The following ACBD6 variants were observed in gnomAD, a reference collection of about 807,000 sequenced individuals.
ACBD6 encodes acyl-CoA-binding domain-containing protein 6.
In ACBD6, 28 loss-of-function variants were observed where a neutral mutation model predicts 37.2. The ratio of observed to expected loss-of-function variants is 0.75; its 90% CI spans 0.56 to 1.03. The LOEUF (loss-of-function observed/expected upper bound fraction) is 1.03. ACBD6 is among the 50% of genes least tolerant of loss of function. The pLI is 0.00. For missense variants in ACBD6, 340 were observed against 337.4 expected (o/e 1.01, Z -0.06); for synonymous variants, 113 against 126.8 (o/e 0.89, Z 0.73).
chr1:180,465,403 G>A (rs1451208039), intron 3 of ACBD6, among the ~76,000 whole-genome samples: 1 of 151,990 alleles, frequency 6.6e-6, no homozygotes, highest in East Asian at 1.9e-4. Flanking sequence ...CAAGAAGGAT[G>A]AAAGAAAAGC....
intron 6 of ACBD6, among the ~76,000 whole-genome samples, chr1:180,356,931 T>G (rs1457633902): frequency 1.3e-5 from 2 of 152,134 alleles, no homozygotes; most frequent in Non-Finnish European, 2.9e-5. Flanking sequence ...ATGGTTACAC[T>G]TCTATCATAA....
intron 6 of ACBD6, among the ~76,000 whole-genome samples, chr1:180,386,240 A>T (rs1039249952): frequency 1.3e-5 from 2 of 152,184 alleles, no homozygotes; most frequent in African/African-American, 2.4e-5. Flanking sequence ...TGTATTTTCA[A>T]CTTATGATAT....
At chr1:180,464,557 C>CACCCCAT (rs1650276720) in intron 3 of ACBD6, among the ~76,000 whole-genome samples, 1 of 152,084 alleles carries the variant, frequency 6.6e-6, no homozygotes, top group Admixed American at 6.6e-5. Flanking sequence ...AATGAAAAAA[C>CACCCCAT]ACCCCATGCT....
intron 6 of ACBD6, among the ~76,000 whole-genome samples, chr1:180,333,427 G>A (rs1023016483): frequency 2.0e-5 from 3 of 152,160 alleles, no homozygotes; most frequent in African/African-American, 7.2e-5. Context: ...GGCAAATAAT[G>A]TCTTGGAATT....
Position 180,497,112 on chromosome 1 carries a change from T to C in ACBD6, c.223-1587A>G, listed in dbSNP as rs117492127. Among the ~76,000 whole-genome samples the C allele has an allele frequency of 1.2e-3, 185 of 152,318 alleles. No individual in the cohort carries two copies. The East Asian group carries it at 0.018, about 15-fold the overall frequency. On this transcript the variant is annotated intron_variant, in intron 1 of 7. Coordinates refer to ENST00000367595, the MANE Select transcript of ACBD6 (RefSeq NM_032360.4). ...ACATGAACTACCAGACTGTTAGAAA[T>C]AATAAATGAGATAAATTATACAAAC...
At chr1:180,402,967 A>G (rs1420714217) in intron 5 of ACBD6, among the ~76,000 whole-genome samples, 1 of 152,208 alleles carries the variant, frequency 6.6e-6, no homozygotes, top group Non-Finnish European at 1.5e-5. Flanking sequence ...ATCCATCATA[A>G]GACAATGGTA....
Position 180,495,474 on chromosome 1 carries a change from C to T in ACBD6, c.274G>A (p.Gly92Arg). 2 of 1,603,406 alleles carry T rather than the reference C, an allele frequency of 1.2e-6. No homozygotes were observed. The highest frequency in any genetic ancestry group is 2.3e-5 in the South Asian group (2 of 88,028). Residue 92 changes from glycine (G) to arginine (R), a missense_variant, in exon 2 of 8, where the codon GGA becomes AGA. Physicochemically the swap from Gly to Arg is moderately radical, Grantham distance 125. Transcript: ENST00000367595. ...TPKPSFFDFEGKQKWEAWKAL... is the reference protein window; with the variant it reads ...TPKPSFFDFERKQKWEAWKAL... ...GGAATTTCTTACCATTTTTGCTTTC[C>T]TTCAAAATCAAAGAAGCTTGGTTTA...
intron 7 of ACBD6, among the ~76,000 whole-genome samples, chr1:180,311,878 A>G (rs1225590567): frequency 6.6e-6 from 1 of 152,152 alleles, no homozygotes; most frequent in Admixed American, 6.5e-5. Flanking sequence ...GAAGCTATTA[A>G]ATGTCTGTAG....
intron 3 of ACBD6, among the ~76,000 whole-genome samples, chr1:180,459,436 G>C (rs943987459): frequency 6.6e-6 from 1 of 152,094 alleles, no homozygotes; most frequent in Non-Finnish European, 1.5e-5. Flanking sequence ...CTCTAATTAG[G>C]TCCTGCAACT....
At chr1:180,394,818 T>C (rs1654201642) in intron 6 of ACBD6, among the ~76,000 whole-genome samples, 1 of 152,140 alleles carries the variant, frequency 6.6e-6, no homozygotes, top group East Asian at 1.9e-4. Context: ...ATAGGATACA[T>C]ATATCAATTA....
intron 6 of ACBD6, among the ~76,000 whole-genome samples, chr1:180,329,726 T>C (rs2149299686): frequency 6.6e-6 from 1 of 152,280 alleles, no homozygotes; most frequent in African/African-American, 2.4e-5. Context: ...GACAAGTAAA[T>C]AAAGCCAACA....
At chr1:180,423,935 A>G (rs1648476372) in intron 4 of ACBD6, among the ~76,000 whole-genome samples, 1 of 152,200 alleles carries the variant, frequency 6.6e-6, no homozygotes, top group Non-Finnish European at 1.5e-5. Context: ...GATCCAAAGG[A>G]AATATCATCA....
chr1:180,367,549 AC>A (rs1653097031), intron 6 of ACBD6, among the ~76,000 whole-genome samples: 1 of 151,374 alleles, frequency 6.6e-6, no homozygotes, highest in Admixed American at 6.6e-5. Flanking sequence ...TTCACCCTCC[AC>A]CCTCAAGCAG....
intron 7 of ACBD6, among the ~76,000 whole-genome samples, chr1:180,297,803 C>T (rs1484837958): frequency 6.6e-6 from 1 of 152,172 alleles, no homozygotes; most frequent in Non-Finnish European, 1.5e-5. Flanking sequence ...TGCAATGGCA[C>T]GATCTTGGTT....
intron 5 of ACBD6, among the ~76,000 whole-genome samples, chr1:180,410,653 C>T (rs1647816359): frequency 6.6e-6 from 1 of 150,726 alleles, no homozygotes; most frequent in South Asian, 2.1e-4. Flanking sequence ...TGTTGATACC[C>T]ACTGCTCAGG....
intron 9 of ACBD6, chr1:180,278,948 G>A (rs538830460): frequency 7.6e-4 from 116 of 152,298 alleles, no homozygotes; most frequent in African/African-American, 2.6e-3. Context: ...GATGTGTACG[G>A]TAAAATTATG....
At chr1:180,465,773 A>G (rs1650324646) in intron 3 of ACBD6, among the ~76,000 whole-genome samples, 1 of 152,208 alleles carries the variant, frequency 6.6e-6, no homozygotes, top group Admixed American at 6.5e-5. Context: ...ATGCTTATGA[A>G]TGACAGAGGA....
chr1:180,363,962 T>G (rs1214731587), intron 6 of ACBD6, among the ~76,000 whole-genome samples: 2 of 152,116 alleles, frequency 1.3e-5, no homozygotes, highest in Non-Finnish European at 2.9e-5. Flanking sequence ...TACTAGAAAA[T>G]TAAAAAGTAT....
At chr1:180,404,016 T>C (rs1281667672) in intron 5 of ACBD6, among the ~76,000 whole-genome samples, 1 of 152,054 alleles carries the variant, frequency 6.6e-6, no homozygotes, top group African/African-American at 2.4e-5. Context: ...AGTGGTGCGA[T>C]CTCAGCTCAC....
Sources: allele counts gnomAD v4.1 joint callset (sites outside exome capture counted in the v4.1 genomes callset), GRCh38; gene constraint gnomAD v4.1.1; transcripts MANE v1.5; gene names NCBI Gene and HGNC (gene_info 2026-07-23, HGNC 2026-07-21).